Variants in CFAP96 observed in about 807,000 individuals in gnomAD.
CFAP96 encodes cilia and flagella associated protein 96.
chr4:185,448,014 C>T, the CFAP96 span, among the ~76,000 whole-genome samples: 6 of 152,074 alleles, frequency 3.9e-5, no homozygotes, highest in African/African-American at 2.4e-5. Flanking sequence ...TTTGGAAATA[C>T]GTTTTGTCTT....
At chr4:185,429,547 G>A in the CFAP96 span, 1 of 1,108,930 alleles carries the variant, frequency 9.0e-7, no homozygotes, top group Non-Finnish European at 1.3e-6. Flanking sequence ...GACGAATAGT[G>A]GGTATTTTCT....
chr4:185,413,920 A>G, the CFAP96 span: 10 of 1,501,916 alleles, frequency 6.7e-6, no homozygotes, highest in Non-Finnish European at 9.0e-6. Context: ...TTGGTGATTT[A>G]GATTCCTAGT....
At chr4:185,412,685 G>C in the CFAP96 span, among the ~76,000 whole-genome samples, 1 of 152,160 alleles carries the variant, frequency 6.6e-6, no homozygotes, top group South Asian at 2.1e-4. Flanking sequence ...GGAGCAGACA[G>C]AGTAAAAGTT....
chr4:185,432,291 T>C, the CFAP96 span: 1 of 976,638 alleles, frequency 1.0e-6, no homozygotes, highest in Non-Finnish European at 1.5e-6. Context: ...CTTACTTATG[T>C]AAGATGAATT....
chr4:185,449,112 A>T, the CFAP96 span, among the ~76,000 whole-genome samples: 1 of 152,216 alleles, frequency 6.6e-6, no homozygotes, highest in African/African-American at 2.4e-5. Context: ...TTCTAAGTAT[A>T]TATGGCTTTA....
chr4:185,416,761 G>C, the CFAP96 span, among the ~76,000 whole-genome samples: 2 of 152,228 alleles, frequency 1.3e-5, no homozygotes, highest in African/African-American at 2.4e-5. Flanking sequence ...ACTGGAGCCA[G>C]CTTGAAGAAA....
the CFAP96 span, among the ~76,000 whole-genome samples, chr4:185,424,987 T>G: frequency 1.3e-5 from 2 of 152,190 alleles, no homozygotes; most frequent in African/African-American, 4.8e-5. Context: ...AATAGCCCAT[T>G]CCAGGCAGGG....
the CFAP96 span, among the ~76,000 whole-genome samples, chr4:185,447,231 G>A: frequency 6.6e-6 from 1 of 151,258 alleles, no homozygotes; most frequent in Admixed American, 6.6e-5. Context: ...GCCCAGGCTG[G>A]AATGCAGTGG....
chr4:185,408,840 CT>C, the CFAP96 span, among the ~76,000 whole-genome samples: 1 of 152,182 alleles, frequency 6.6e-6, no homozygotes. Flanking sequence ...TGTCAAAGGT[CT>C]TCCTTGACCA....
chr4:185,422,064 C>T, the CFAP96 span, among the ~76,000 whole-genome samples: 1 of 152,136 alleles, frequency 6.6e-6, no homozygotes, highest in Non-Finnish European at 1.5e-5. Context: ...TCATATAAAC[C>T]CTGTTGATTT....
At chr4:185,432,027 G>A in the CFAP96 span, 3 of 1,551,612 alleles carry the variant, frequency 1.9e-6, no homozygotes, top group South Asian at 3.6e-5. Flanking sequence ...ATGCTACCTG[G>A]AGGGTCCAAA....
the CFAP96 span, among the ~76,000 whole-genome samples, chr4:185,411,875 G>A: frequency 6.6e-6 from 1 of 152,150 alleles, no homozygotes; most frequent in Non-Finnish European, 1.5e-5. Flanking sequence ...ACTACGTACA[G>A]AATGATACCA....
chr4:185,444,229 A>T, the CFAP96 span, among the ~76,000 whole-genome samples: 1 of 152,036 alleles, frequency 6.6e-6, no homozygotes, highest in East Asian at 1.9e-4. Flanking sequence ...CTGGGATTAC[A>T]GGCGTGAGCC....
chr4:185,436,292 A>G, the CFAP96 span: 10 of 1,551,146 alleles, frequency 6.4e-6, no homozygotes, highest in Non-Finnish European at 8.7e-6. Context: ...AGCTATGCAA[A>G]TATTACCATA....
chr4:185,437,435 TAAGCA>T, the CFAP96 span, among the ~76,000 whole-genome samples: 1 of 152,362 alleles, frequency 6.6e-6, no homozygotes, highest in South Asian at 2.1e-4. Context: ...ATTTGGACAT[TAAGCA>T]TTAAATGGCA....
At chr4:185,436,105 A>C in the CFAP96 span, 1 of 1,551,368 alleles carries the variant, frequency 6.4e-7, no homozygotes, top group Non-Finnish European at 8.7e-7. Flanking sequence ...TTCAGCGCAC[A>C]GTCAAAACCT....
At chr4:185,419,025 T>C in the CFAP96 span, among the ~76,000 whole-genome samples, 4 of 152,228 alleles carry the variant, frequency 2.6e-5, no homozygotes, top group Non-Finnish European at 5.9e-5. Context: ...TGATCACTAA[T>C]TCTAGAACAT....
the CFAP96 span, among the ~76,000 whole-genome samples, chr4:185,443,332 ATATATATATATT>A: frequency 3.3e-5 from 1 of 30,046 alleles, no homozygotes; most frequent in East Asian, 1.4e-3. Context: ...ATATATATAT[ATATATATATATT>A]TTTTTTTTTT....
At chr4:185,431,322 A>G in the CFAP96 span, among the ~76,000 whole-genome samples, 130 of 152,318 alleles carry the variant, frequency 8.5e-4, 2 homozygotes, top group African/African-American at 3.0e-3. Context: ...CTCTCCTCAA[A>G]TAGAGCTCTC....
Sources: gnomAD v4.1 joint callset for allele counts (sites outside exome capture counted in the v4.1 genomes callset) on GRCh38, gnomAD v4.1.1 for gene constraint, MANE v1.5 for transcripts, NCBI Gene and HGNC (gene_info 2026-07-23, HGNC 2026-07-21) for gene names.